The following SERPINB6 variants were observed in gnomAD, a reference collection of about 807,000 sequenced individuals.
SERPINB6 encodes serpin family B member 6.
A neutral mutation model predicts 26.1 loss-of-function variants in SERPINB6; 16 were observed. That is an observed-to-expected ratio of 0.61 (90% CI 0.42 to 0.93). The LOEUF (loss-of-function observed/expected upper bound fraction) is 0.93, where lower values mean the gene tolerates loss of function less well. Ranked by LOEUF, SERPINB6 falls within the 40% of genes least tolerant of loss-of-function variation. The pLI is 0.00. For synonymous variants in SERPINB6, 174 were observed against 176.6 expected, an observed-to-expected ratio of 0.99 and a Z score of 0.11; for missense variants, 420 against 478.0, an observed-to-expected ratio of 0.88 and a Z score of 1.13.
In SERPINB6 at chr6:2,966,251, C is replaced by T. The variant is rs145453304; in HGVS notation, c.-11+5282G>A. ...AATTCTTTTGTGCCTTTTTAAGGCT[C>T]ATCTTGTTTGCCTCATCTGAACTTA... On this transcript the variant is annotated intron_variant, in intron 1 of 6. Transcript: ENST00000380539. 4 of 511,510 alleles carry T rather than the reference C, an allele frequency of 7.8e-6. No homozygotes were observed. In the African/African-American group the frequency reaches 8.3e-5, roughly 11 times the overall value. 31.7% of individuals were successfully genotyped at this position (511,510 alleles called of 1,614,324 possible).
intron 1 of SERPINB6, chr6:2,963,415 G>A (rs1372519063): frequency 6.6e-6 from 1 of 152,222 alleles, no homozygotes; most frequent in Non-Finnish European, 1.5e-5. Flanking sequence ...GAGAACCCAG[G>A]GCAACAATGG....
intron 1 of SERPINB6, among the ~76,000 whole-genome samples, chr6:2,965,459 G>C (rs1421068042): frequency 6.6e-6 from 1 of 152,132 alleles, no homozygotes; most frequent in Non-Finnish European, 1.5e-5. Flanking sequence ...ATTGCTTACA[G>C]GGCAAAGAAA....
intron 1 of SERPINB6, chr6:2,960,228 G>A (rs890921629): frequency 6.6e-6 from 1 of 152,580 alleles, no homozygotes; most frequent in Non-Finnish European, 1.5e-5. Flanking sequence ...AGAATCACAT[G>A]TTAAAGTCCA....
chr6:2,953,208 C>T lies in SERPINB6; in HGVS notation c.431-22G>A, dbSNP rs773102062. On this transcript the variant is annotated intron_variant, in intron 4 of 6. Coordinates refer to ENST00000380539, the MANE Select transcript of SERPINB6 (RefSeq NM_004568.6). Reference sequence around the variant, plus strand: ...TTACCTGAGCGGAAGAATTCAAGACCGCATTAGATAGGGGCGGCTGCGGAT... The same window carrying T: ...TTACCTGAGCGGAAGAATTCAAGACTGCATTAGATAGGGGCGGCTGCGGAT... 3.7e-6 allele frequency: 6 copies of T among 1,614,056 alleles called. No homozygotes were observed. In the South Asian group the frequency reaches 4.4e-5, roughly 12 times the overall value.
At chr6:2,952,745 G>C (rs1769951244) in intron 5 of SERPINB6, among the ~76,000 whole-genome samples, 1 of 152,276 alleles carries the variant, frequency 6.6e-6, no homozygotes, top group African/African-American at 2.4e-5. Context: ...AAAGAAAGGA[G>C]TGGGTAGGTC....
At chr6:2,959,118 G>A in intron 2 of SERPINB6, 50 bp downstream of exon 2, 1 of 1,606,568 alleles carries the variant, frequency 6.2e-7, no homozygotes, top group South Asian at 1.1e-5. Flanking sequence ...GAATAAGGAG[G>A]ACCAGCTAAC....
At chr6:2,969,268 C>A in intron 1 of SERPINB6, 1 of 985,518 alleles carries the variant, frequency 1.0e-6, no homozygotes, top group Non-Finnish European at 1.2e-6. Flanking sequence ...AGTCACGTTG[C>A]AAACTCAAGA....
intron 5 of SERPINB6, among the ~76,000 whole-genome samples, chr6:2,951,052 CACA>C (rs1456471045): frequency 6.6e-6 from 1 of 152,204 alleles, no homozygotes; most frequent in East Asian, 1.9e-4. Flanking sequence ...CCATCTCCGT[CACA>C]ACGACTCAGC....
Position 2,970,855 on chromosome 6 carries a change from G to C in SERPINB6, c.-11+678C>G, listed in dbSNP as rs531729337. On this transcript the variant is annotated intron_variant, in intron 1 of 6. Coordinates refer to ENST00000380539, the MANE Select transcript of SERPINB6 (RefSeq NM_004568.6). ...GGGAGTTTAATTCAAACACAGAGCGGTAAGGAGATCCGGGCTGGTCCACAC... is the reference window on the plus strand; with the variant it reads ...GGGAGTTTAATTCAAACACAGAGCGCTAAGGAGATCCGGGCTGGTCCACAC... 2.2e-4 allele frequency: 268 copies of C among 1,231,468 alleles called. 1 individual carries two copies. In the African/African-American group the frequency reaches 3.8e-3, roughly 18 times the overall value. 76.3% of individuals were successfully genotyped at this position (1,231,468 alleles called of 1,614,324 possible). A position where few individuals can be genotyped will look rare whatever the true frequency, so the allele number is the denominator to read the frequency against.
chr6:2,965,161 TC>T (rs1308546335), intron 1 of SERPINB6, among the ~76,000 whole-genome samples: 1 of 152,220 alleles, frequency 6.6e-6, no homozygotes, highest in East Asian at 1.9e-4. Flanking sequence ...ATAGTGCCTT[TC>T]CCCCCTTTCC....
intron 5 of SERPINB6, among the ~76,000 whole-genome samples, 158 bp downstream of exon 5, chr6:2,952,886 G>A (rs777350730): frequency 6.6e-6 from 1 of 152,254 alleles, no homozygotes; most frequent in Non-Finnish European, 1.5e-5. Context: ...GTAGGTGGCA[G>A]GGCGGATGCC....
chr6:2,968,688 G>T, intron 1 of SERPINB6: 49 of 1,230,144 alleles, frequency 4.0e-5, no homozygotes, highest in Non-Finnish European at 5.0e-5. Flanking sequence ...TCTCTCTTTT[G>T]TACCTAGACT....
intron 3 of SERPINB6, chr6:2,955,010 C>G (rs538282078): frequency 2.9e-6 from 1 of 347,034 alleles, no homozygotes; most frequent in Admixed American, 4.3e-5. Flanking sequence ...GCCAACATGG[C>G]GAAAGCCCGT....
chr6:2,949,039 T>G lies in SERPINB6; in HGVS notation c.604A>C (p.Lys202Gln), dbSNP rs749580923. 1.9e-6 allele frequency: 3 copies of G among 1,614,202 alleles called. No individual in the cohort carries two copies. The Admixed American group carries it at 5.0e-5, about 27-fold the overall frequency. The stretch of plus-strand genomic sequence containing the variant: ...TAGGTCTTCTTAAAAGTAGATTGCT[T>G]AAACATCATTTGCACAGGTTTCTCC... ...NEEKPVQMMF[K>Q]QSTFKKTYIG... is the part of the protein sequence containing the mutation. Residue 202 changes from lysine (K) to glutamine (Q), a missense_variant, in exon 6 of 7, where the codon AAG becomes CAG. Physicochemically the swap from Lys to Gln is moderately conservative, Grantham distance 53 (BLOSUM62 1). Coordinates refer to ENST00000380539, the MANE Select transcript of SERPINB6 (RefSeq NM_004568.6).
intron 5 of SERPINB6, among the ~76,000 whole-genome samples, chr6:2,952,607 T>A (rs1023184366): frequency 2.0e-5 from 3 of 152,256 alleles, no homozygotes; most frequent in African/African-American, 7.2e-5. Context: ...ACCAGCTACG[T>A]GTCTGGCACT....
At chr6:2,970,966 G>A (rs1772095001) in intron 1 of SERPINB6, 14 of 1,211,882 alleles carry the variant, frequency 1.2e-5, no homozygotes, top group African/African-American at 1.8e-5. Flanking sequence ...CACGCAGGGG[G>A]CCCGGATGGC....
chr6:2,968,413 A>G, intron 1 of SERPINB6: 1 of 852,454 alleles, frequency 1.2e-6, no homozygotes. Context: ...GAGTTTACCT[A>G]TGTCACAAAC....
Position 2,948,746 on chromosome 6 carries a change from C to T in SERPINB6, c.730-47G>A, listed in dbSNP as rs1329788475. On this transcript the variant is annotated intron_variant, in intron 6 of 6. Transcript: ENST00000380539. This position sits in a 1 kb window ranked among gnomAD's most constrained non-coding sequence, Gnocchi z 5.0. ...CTTTAAGACCCAGGGTGCTGCTGCC[C>T]AGCAGGGCCCTGTGCTATGCTGTGG... 1.9e-6 allele frequency: 3 copies of T among 1,592,328 alleles called. No homozygotes were observed. The East Asian group carries it at 6.7e-5, about 36-fold the overall frequency.
At position 2,955,657 on chromosome 6, in the gene SERPINB6, T is replaced by C; in HGVS notation, c.179A>G (p.Asn60Ser). ...AAQMAQILSF[N>S]KSGGGGDIHQ... ...GATGTCTCCACCACCGCCACTTTTA[T>C]TGAAAGAAAGTATCTGAAATCAAAA... The change falls in exon 3 of 7, where the codon AAT becomes AGT. Residue 60 changes from asparagine to serine, a missense_variant. Physicochemically the swap from Asn to Ser is conservative, Grantham distance 46. Coordinates refer to ENST00000380539, the MANE Select transcript of SERPINB6 (RefSeq NM_004568.6). 3.7e-6 allele frequency: 6 copies of C among 1,614,214 alleles called. No individual in the cohort carries two copies. Among genetic ancestry groups the C allele is most frequent in the Non-Finnish European group, 4.2e-6 (5 of 1,180,038 alleles).
Sources: gnomAD v4.1 joint callset for allele counts (sites outside exome capture counted in the v4.1 genomes callset) on GRCh38, gnomAD v4.1.1 for gene constraint, Gnocchi (gnomAD v3.1) non-coding constraint, MANE v1.5 for transcripts, NCBI Gene and HGNC (gene_info 2026-07-23, HGNC 2026-07-21) for gene names.